ITGA9: variants seen among roughly 807,000 people sequenced by gnomAD.
ITGA9 encodes integrin alpha-9.
Under a neutral mutation model 127.8 loss-of-function variants are expected in ITGA9, and 56 were observed. That is an observed-to-expected ratio of 0.44 (90% CI 0.35 to 0.55). The LOEUF (loss-of-function observed/expected upper bound fraction) is 0.55, where lower values mean the gene tolerates loss of function less well. Among genes scored for constraint, ITGA9 ranks in the 20% least tolerant of loss-of-function variants. The pLI, the probability that ITGA9 is intolerant of heterozygous loss-of-function variation, is 0.00. For missense variants in ITGA9, 1,196 were observed against 1,347.1 expected (o/e 0.89, Z 1.76); for synonymous variants, 508 against 514.5 (o/e 0.99, Z 0.17).
At chr3:37,535,677 C>G (rs1227562385) in intron 14 of ITGA9, among the ~76,000 whole-genome samples, 3 of 152,192 alleles carry the variant, frequency 2.0e-5, no homozygotes, top group Non-Finnish European at 4.4e-5. Flanking sequence ...TTTCTCTTCC[C>G]TATCCTCCAT....
intron 14 of ITGA9, among the ~76,000 whole-genome samples, chr3:37,540,171 G>A (rs1039435465): frequency 3.3e-5 from 5 of 152,116 alleles, no homozygotes; most frequent in African/African-American, 9.7e-5. Context: ...GTCCAGTCTC[G>A]CTGTTCTCTC....
intron 17 of ITGA9, among the ~76,000 whole-genome samples, chr3:37,665,107 G>A (rs1700573915): frequency 6.6e-6 from 1 of 151,774 alleles, no homozygotes; most frequent in Non-Finnish European, 1.5e-5. Flanking sequence ...CGAGTAGCTG[G>A]GATTACAGGT....
chr3:37,735,402 A>G (rs1157543609), intron 19 of ITGA9, among the ~76,000 whole-genome samples: 2 of 151,986 alleles, frequency 1.3e-5, no homozygotes, highest in African/African-American at 2.4e-5. Flanking sequence ...GTCCATGTTC[A>G]CTGTAGATGA....
chr3:37,647,076 G>T (rs1370920783), intron 16 of ITGA9, among the ~76,000 whole-genome samples: 1 of 151,976 alleles, frequency 6.6e-6, no homozygotes, highest in African/African-American at 2.4e-5. Flanking sequence ...TCAACCTCAG[G>T]CTCCCCAGTG....
chr3:37,507,057 G>A (rs2125572473), intron 7 of ITGA9, among the ~76,000 whole-genome samples: 1 of 152,328 alleles, frequency 6.6e-6, no homozygotes, highest in South Asian at 2.1e-4. Context: ...CTGGGCAGAG[G>A]TTAGGAGCTG....
At chr3:37,517,683 T>C (rs1559526219) in intron 10 of ITGA9, 74 bp downstream of exon 10, 2 of 1,052,404 alleles carry the variant, frequency 1.9e-6, no homozygotes, top group Non-Finnish European at 2.9e-6. Context: ...GGCAGCCTGC[T>C]CGCTGACTGT....
At chr3:37,483,336 G>A (rs1173877839) in intron 4 of ITGA9, among the ~76,000 whole-genome samples, 1 of 152,200 alleles carries the variant, frequency 6.6e-6, no homozygotes, top group Non-Finnish European at 1.5e-5. Flanking sequence ...TTAAGTAGCT[G>A]TGGATCATCA....
At chr3:37,707,917 A>G (rs1448958408) in intron 18 of ITGA9, among the ~76,000 whole-genome samples, 2 of 152,172 alleles carry the variant, frequency 1.3e-5, no homozygotes, top group African/African-American at 4.8e-5. Context: ...TGACCACATC[A>G]TCATGGCTAC....
intron 14 of ITGA9, among the ~76,000 whole-genome samples, chr3:37,535,105 A>G (rs1699195746): frequency 6.6e-6 from 1 of 152,248 alleles, no homozygotes; most frequent in Admixed American, 6.5e-5. Context: ...CAAACGAGTA[A>G]TAGTTTCTGT....
intron 15 of ITGA9, among the ~76,000 whole-genome samples, chr3:37,621,899 A>G (rs975963009): frequency 1.3e-5 from 2 of 152,206 alleles, no homozygotes; most frequent in Admixed American, 6.5e-5. Flanking sequence ...CTTACCACTT[A>G]TTTCCTGCTC....
intron 24 of ITGA9, among the ~76,000 whole-genome samples, chr3:37,778,619 A>C (rs1324498774): frequency 6.8e-6 from 1 of 147,604 alleles, no homozygotes; most frequent in African/African-American, 2.5e-5. Context: ...CTCTGTCTCA[A>C]AAAAAAAAAA....
At chr3:37,579,789 T>C (rs1405791525) in intron 15 of ITGA9, among the ~76,000 whole-genome samples, 1 of 152,170 alleles carries the variant, frequency 6.6e-6, no homozygotes, top group African/African-American at 2.4e-5. Context: ...TATCCTCTCC[T>C]CTTTGTATCA....
rs1448524047 is a variant in ITGA9, at chr3:37,802,719, GT to G, written c.2890-1101del. Among the ~76,000 whole-genome samples the G allele has an allele frequency of 4.6e-5, 7 of 152,180 alleles. 1 individual carries two copies. Among genetic ancestry groups the G allele is most frequent in the African/African-American group, 1.7e-4 (7 of 41,444 alleles). ...CAATCAGAAGTGAGCACTGATACATGTTTAACAATCAGTTCTCTGGCAGGAG... is the reference window on the plus strand; with the variant it reads ...CAATCAGAAGTGAGCACTGATACATGTTAACAATCAGTTCTCTGGCAGGAG... On this transcript the variant is annotated intron_variant, in intron 26 of 27. Coordinates refer to ENST00000264741, the MANE Select transcript of ITGA9 (RefSeq NM_002207.3).
chr3:37,629,341 G>C lies in ITGA9; in HGVS notation c.1839+5G>C. The C allele has an allele frequency of 3.7e-6, 6 of 1,613,970 alleles. No homozygotes were observed. The highest frequency in any genetic ancestry group is 4.2e-6 in the Non-Finnish European group (5 of 1,179,972). ...AAGATTGCCCAAAAGAATCAGGTCA[G>C]AACCTTAAAGCTCATACTCAGCACC... On this transcript the variant is annotated splice_donor_5th_base_variant and intron_variant, in intron 16 of 27. Coordinates refer to ENST00000264741, the MANE Select transcript of ITGA9 (RefSeq NM_002207.3). This position sits in a 1 kb window ranked among gnomAD's most constrained non-coding sequence, Gnocchi z 4.5.
chr3:37,705,585 C>T (rs1700995312), intron 18 of ITGA9, among the ~76,000 whole-genome samples: 1 of 152,192 alleles, frequency 6.6e-6, no homozygotes. Flanking sequence ...GGCCCTCTCC[C>T]AGCCCTCGTT....
At chr3:37,729,742 T>C (rs1018709388) in intron 18 of ITGA9, among the ~76,000 whole-genome samples, 5 of 141,644 alleles carry the variant, frequency 3.5e-5, no homozygotes, top group African/African-American at 1.3e-4. Context: ...TCTTGCTCTG[T>C]CACCAGGCTG....
At chr3:37,680,510 T>TGGGGATTGGCA (rs1243753609) in intron 17 of ITGA9, among the ~76,000 whole-genome samples, 4 of 152,154 alleles carry the variant, frequency 2.6e-5, no homozygotes, top group Non-Finnish European at 5.9e-5. Context: ...GCCCAAGGTT[T>TGGGGATTGGCA]GGGGATTGGC....
rs943056756 is a variant in ITGA9 at position 37,819,604 on chromosome 3, C to T, written c.*615C>T. 3 of 153,654 alleles carry T rather than the reference C, an allele frequency of 2.0e-5. No individual in the cohort carries two copies. Among genetic ancestry groups the T allele is most frequent in the African/African-American group, 7.2e-5 (3 of 41,428 alleles). The allele number at this position is 153,654 out of a possible 1,614,324, so 9.5% of individuals were successfully genotyped here. A position where few individuals can be genotyped will look rare whatever the true frequency, so the allele number is the denominator to read the frequency against. Reference sequence around the variant, plus strand: ...AAGACATTTCACATCTTTATCGCCTCGATCAAGTGTGGAGTCACATGCTAA... The same window carrying T: ...AAGACATTTCACATCTTTATCGCCTTGATCAAGTGTGGAGTCACATGCTAA... On this transcript the variant is annotated 3_prime_UTR_variant, in exon 28 of 28. Coordinates refer to ENST00000264741, the MANE Select transcript of ITGA9 (RefSeq NM_002207.3).
intron 15 of ITGA9, among the ~76,000 whole-genome samples, chr3:37,609,373 A>C (rs546956124): frequency 6.6e-6 from 1 of 152,362 alleles, no homozygotes; most frequent in South Asian, 2.1e-4. Flanking sequence ...GACGCAAGAC[A>C]GTATCTTATT....
Sources: gnomAD v4.1 joint callset for allele counts (sites outside exome capture counted in the v4.1 genomes callset) on GRCh38, gnomAD v4.1.1 for gene constraint, Gnocchi (gnomAD v3.1) non-coding constraint, MANE v1.5 for transcripts, NCBI Gene and HGNC (gene_info 2026-07-23, HGNC 2026-07-21) for gene names.